The following NUP210 variants were observed in gnomAD, a reference collection of about 807,000 sequenced individuals.
The protein encoded by NUP210 is nuclear pore membrane glycoprotein 210.
In NUP210, 151 loss-of-function variants were observed where a neutral mutation model predicts 196.0. The ratio of observed to expected loss-of-function variants is 0.77; its 90% confidence interval spans 0.67 to 0.88. The LOEUF (loss-of-function observed/expected upper bound fraction) is 0.88. Ranked by LOEUF, NUP210 falls within the 40% of genes least tolerant of loss-of-function variation. NUP210 has a pLI of 0.00. For synonymous variants in NUP210, 1,070 were observed against 1,052.7 expected (o/e 1.02, Z -0.32); for missense variants, 2,314 against 2,493.7 (o/e 0.93, Z 1.53).
At position 13,352,097 on chromosome 3, in the gene NUP210, T is replaced by A; in HGVS notation, c.2716A>T (p.Asn906Tyr). 6.2e-7 allele frequency: 1 copy of A among 1,613,950 alleles called. No individual in the cohort carries two copies. The highest frequency in any genetic ancestry group is 8.5e-7 in the Non-Finnish European group (1 of 1,179,874). The change falls in exon 19 of 40, where the codon AAC becomes TAC. Residue 906 changes from asparagine (N) to tyrosine (Y), a missense_variant. Coordinates refer to ENST00000254508, the MANE Select transcript of NUP210 (RefSeq NM_024923.4). ...RVSPEEVTIY[N>Y]HPGIQAELRI... Reference sequence around the variant, plus strand: ...GACTGTACCTGGATGCCAGGGTGGTTGTAGATGGTCACCTCTTCTGGGCTC... The same window carrying A: ...GACTGTACCTGGATGCCAGGGTGGTAGTAGATGGTCACCTCTTCTGGGCTC...
chr3:13,349,761 C>T (rs1025266422), intron 20 of NUP210, among the ~76,000 whole-genome samples: 1 of 152,232 alleles, frequency 6.6e-6, no homozygotes, highest in African/African-American at 2.4e-5. Context: ...CAAGCCTAAG[C>T]ACACTCTCCA....
chr3:13,369,592 T>C (rs941181014), intron 13 of NUP210, among the ~76,000 whole-genome samples: 4 of 152,232 alleles, frequency 2.6e-5, no homozygotes, highest in Non-Finnish European at 4.4e-5. Flanking sequence ...ATTTTTGTGT[T>C]TGGAGTTATG....
intron 2 of NUP210, 44 bp from the exon 3 acceptor site, chr3:13,397,532 G>A (rs201641905): frequency 6.0e-5 from 91 of 1,515,498 alleles, no homozygotes; most frequent in East Asian, 1.5e-4. Context: ...GACAGTCCCC[G>A]CCCCTGGCTC....
chr3:13,329,216 G>A (rs1696898203), intron 30 of NUP210, among the ~76,000 whole-genome samples: 1 of 152,186 alleles, frequency 6.6e-6, no homozygotes, highest in African/African-American at 2.4e-5. Flanking sequence ...TTGAATAAAT[G>A]AGATCACTAT....
intron 37 of NUP210, 139 bp downstream of exon 37, chr3:13,319,624 C>A: frequency 1.3e-6 from 1 of 751,964 alleles, no homozygotes; most frequent in South Asian, 1.7e-5. Flanking sequence ...CCCCAATGAG[C>A]AGCGATCACT....
Position 13,377,366 on chromosome 3 carries a change from C to CT in NUP210, c.1152+89dup, listed in dbSNP as rs1292952901. On this transcript the variant is annotated intron_variant, in intron 9 of 39. Coordinates refer to ENST00000254508, the MANE Select transcript of NUP210 (RefSeq NM_024923.4). ...CCTCCTCGGTCAGCCTGCATGGGGG[C>CT]TCCTGTTGCTTTGGGGGCTGCTCTT... The CT allele has an allele frequency of 7.9e-6, 7 of 889,720 alleles. No individual in the cohort carries two copies. The East Asian group carries it at 1.8e-4, about 22-fold the overall frequency. 55.1% of individuals were successfully genotyped at this position (889,720 alleles called of 1,614,324 possible).
At chr3:13,404,683 C>T (rs1576424195) in intron 1 of NUP210, among the ~76,000 whole-genome samples, 1 of 152,196 alleles carries the variant, frequency 6.6e-6, no homozygotes, top group East Asian at 1.9e-4. Flanking sequence ...ATCAGGGCCA[C>T]GCAGAAGCGC....
At chr3:13,418,267 C>T (rs918591636) in intron 1 of NUP210, among the ~76,000 whole-genome samples, 1 of 152,218 alleles carries the variant, frequency 6.6e-6, no homozygotes, top group African/African-American at 2.4e-5. Flanking sequence ...TGACCTAGTA[C>T]GTCTTGATTT....
Position 13,337,847 on chromosome 3 carries a change from G to T in NUP210, c.3542C>A (p.Thr1181Lys). The T allele has an allele frequency of 6.2e-7, 1 of 1,610,926 alleles. No homozygotes were observed. Among genetic ancestry groups the T allele is most frequent in the Non-Finnish European group, 8.5e-7 (1 of 1,179,440 alleles). The change falls in exon 26 of 40, where the codon ACG (threonine) becomes AAG (lysine). Residue 1181 changes from threonine (T) to lysine (K), a missense_variant. Thr to Lys is a moderately conservative substitution (Grantham distance 78, BLOSUM62 -1). Transcript: ENST00000254508. Reference sequence around the variant, plus strand: ...AGGAGGTCCCCTCACCTGGGTGCCCGTCCTCATCCGCATGATGGGGGCGCG... The same window carrying T: ...AGGAGGTCCCCTCACCTGGGTGCCCTTCCTCATCCGCATGATGGGGGCGCG... ...RIRAPIMRMR[T>K]GTQMPIYVTG...
intron 39 of NUP210, among the ~76,000 whole-genome samples, chr3:13,318,713 G>C (rs1487177554): frequency 6.6e-6 from 1 of 152,192 alleles, no homozygotes; most frequent in Non-Finnish European, 1.5e-5. Flanking sequence ...TTTCTCATCA[G>C]AACTACCCAG....
chr3:13,396,520 G>A (rs1275665997), intron 3 of NUP210, among the ~76,000 whole-genome samples: 1 of 151,524 alleles, frequency 6.6e-6, no homozygotes, highest in Non-Finnish European at 1.5e-5. Context: ...GGCTAAGCCG[G>A]GTGGATCATC....
chr3:13,332,803 C>A (rs570331118), intron 28 of NUP210, among the ~76,000 whole-genome samples: 1 of 152,304 alleles, frequency 6.6e-6, no homozygotes, highest in African/African-American at 2.4e-5. Flanking sequence ...CTAATGGGAG[C>A]TCCTTCAAGG....
chr3:13,335,579 C>T lies in NUP210; in HGVS notation c.3718G>A (p.Ala1240Thr). ...SIRLPSQYNF[A>T]MNVLGRVKGR... ...TTTACCCGGCCGAGCACGTTCATGG[C>T]AAAGTTGTACTGTGACGGGAGTCGG... Residue 1240 changes from alanine (A) to threonine (T), a missense_variant, in exon 28 of 40, where the codon GCC becomes ACC. Ala to Thr is a moderately conservative substitution (Grantham distance 58). Transcript: ENST00000254508. 1.2e-6 allele frequency: 2 copies of T among 1,614,108 alleles called. No individual in the cohort carries two copies. Among genetic ancestry groups the T allele is most frequent in the Non-Finnish European group, 1.7e-6 (2 of 1,180,028 alleles).
At chr3:13,406,455 T>G (rs1250982359) in intron 1 of NUP210, among the ~76,000 whole-genome samples, 2 of 152,188 alleles carry the variant, frequency 1.3e-5, no homozygotes, top group Non-Finnish European at 2.9e-5. Context: ...GTGGCCCATG[T>G]AGCCACTCAG....
chr3:13,391,613 A>T (rs1699495109), intron 3 of NUP210, among the ~76,000 whole-genome samples: 1 of 149,918 alleles, frequency 6.7e-6, no homozygotes, highest in African/African-American at 2.5e-5. Context: ...TGCAGTGCAT[A>T]ACACTGCTGC....
intron 20 of NUP210, among the ~76,000 whole-genome samples, chr3:13,344,373 G>C (rs908288429): frequency 6.6e-6 from 1 of 152,318 alleles, no homozygotes; most frequent in South Asian, 2.1e-4. Context: ...GTAGGGACAG[G>C]CCATGAGGCG....
intron 1 of NUP210, among the ~76,000 whole-genome samples, chr3:13,406,277 G>A (rs941355999): frequency 3.3e-5 from 5 of 152,152 alleles, no homozygotes; most frequent in Admixed American, 6.5e-5. Flanking sequence ...ATTTCTGGGA[G>A]CACAGGGGCA....
At chr3:13,398,997 G>C (rs1190908192) in intron 2 of NUP210, among the ~76,000 whole-genome samples, 1 of 152,232 alleles carries the variant, frequency 6.6e-6, no homozygotes, top group Non-Finnish European at 1.5e-5. Context: ...GGCCAGGTGC[G>C]GTAGCTCCCG....
rs1696627992 is a variant in NUP210 at position 13,323,612 on chromosome 3, G to T, written c.4645-180C>A. Among the ~76,000 whole-genome samples, 1 of 152,216 alleles carries T rather than the reference G, an allele frequency of 6.6e-6. No individual in the cohort carries two copies. Among genetic ancestry groups the T allele is most frequent in the Non-Finnish European group, 1.5e-5 (1 of 68,038 alleles). On this transcript the variant is annotated intron_variant, in intron 33 of 39. Coordinates refer to ENST00000254508, the MANE Select transcript of NUP210 (RefSeq NM_024923.4). The surrounding 1 kb of genome is among the most constrained non-coding windows in gnomAD (Gnocchi z 4.3). ...GTGGCAGAGAGGGGGTTTGAGCCCA[G>T]TCTGGTCAGACTTCACAGCCCAGTT... is the stretch of plus-strand genomic sequence containing the variant.
Sources: allele counts gnomAD v4.1 joint callset (sites outside exome capture counted in the v4.1 genomes callset), GRCh38; gene constraint gnomAD v4.1.1; non-coding constraint Gnocchi (gnomAD v3.1); transcripts MANE v1.5; gene names NCBI Gene and HGNC (gene_info 2026-07-23, HGNC 2026-07-21).